The following CATSPERT variants were observed in gnomAD, a reference collection of about 807,000 sequenced individuals.
CATSPERT encodes cation channel sperm-associated targeting subunit tau.
At chr2:201,599,823 T>G in the CATSPERT span, among the ~76,000 whole-genome samples, 1 of 152,198 alleles carries the variant, frequency 6.6e-6, no homozygotes. Flanking sequence ...GTATTAATGT[T>G]TCAAATTTTA....
At chr2:201,566,366 C>T in the CATSPERT span, among the ~76,000 whole-genome samples, 3 of 103,834 alleles carry the variant, frequency 2.9e-5, no homozygotes, top group South Asian at 1.3e-3. Context: ...CTCCCCCCAC[C>T]CCTCACAGGC....
the CATSPERT span, among the ~76,000 whole-genome samples, chr2:201,610,104 G>C: frequency 2.0e-5 from 3 of 152,146 alleles, no homozygotes; most frequent in Non-Finnish European, 4.4e-5. Context: ...TATTGACTTA[G>C]GAAGAAATAG....
At chr2:201,563,429 C>T in the CATSPERT span, among the ~76,000 whole-genome samples, 1 of 63,764 alleles carries the variant, frequency 1.6e-5, no homozygotes, top group Non-Finnish European at 3.4e-5. Flanking sequence ...GACCCCCTCA[C>T]CTCCCTCCCG....
the CATSPERT span, among the ~76,000 whole-genome samples, chr2:201,498,661 C>T: frequency 6.6e-6 from 1 of 152,150 alleles, no homozygotes; most frequent in East Asian, 1.9e-4. Flanking sequence ...AACCATCACA[C>T]TCAGCATACA....
chr2:201,501,804 A>T, the CATSPERT span, among the ~76,000 whole-genome samples: 1 of 152,210 alleles, frequency 6.6e-6, no homozygotes, highest in Non-Finnish European at 1.5e-5. Context: ...TGAAATAAAC[A>T]CATCTCTTAA....
At chr2:201,578,056 T>C in the CATSPERT span, among the ~76,000 whole-genome samples, 1 of 152,110 alleles carries the variant, frequency 6.6e-6, no homozygotes, top group South Asian at 2.1e-4. Context: ...AATACACCCA[T>C]ATGGAATTGT....
the CATSPERT span, among the ~76,000 whole-genome samples, chr2:201,597,633 G>A: frequency 3.3e-5 from 5 of 152,074 alleles, no homozygotes; most frequent in African/African-American, 7.2e-5. Context: ...GGAGCTCACC[G>A]CTTGTGCTTC....
At chr2:201,492,109 C>T in the CATSPERT span, 38 of 1,526,034 alleles carry the variant, frequency 2.5e-5, no homozygotes, top group Non-Finnish European at 3.2e-5. Context: ...TTCTTTCTCT[C>T]GAATCAATTC....
the CATSPERT span, among the ~76,000 whole-genome samples, chr2:201,524,402 C>T: frequency 1.3e-5 from 2 of 152,124 alleles, no homozygotes; most frequent in Non-Finnish European, 2.9e-5. Flanking sequence ...GAAATAAGAT[C>T]ATTTTCAGAC....
chr2:201,497,384 T>C, the CATSPERT span, among the ~76,000 whole-genome samples: 1 of 152,232 alleles, frequency 6.6e-6, no homozygotes, highest in Non-Finnish European at 1.5e-5. Flanking sequence ...CTTAAATTTC[T>C]CCCAAATCTC....
chr2:201,533,295 T>C, the CATSPERT span, among the ~76,000 whole-genome samples: 49 of 152,332 alleles, frequency 3.2e-4, no homozygotes, highest in South Asian at 9.5e-3. Flanking sequence ...AACTTTCAAC[T>C]TCCCTCACAC....
the CATSPERT span, chr2:201,565,962 T>G: frequency 8.3e-7 from 1 of 1,201,864 alleles, no homozygotes; most frequent in East Asian, 2.7e-5. Context: ...ACCCTTCTCT[T>G]TTACACTTTT....
chr2:201,522,990 G>A, the CATSPERT span, among the ~76,000 whole-genome samples: 1 of 152,286 alleles, frequency 6.6e-6, no homozygotes, highest in African/African-American at 2.4e-5. Context: ...AGAAGCCACT[G>A]CCATAGCTCT....
At chr2:201,603,463 A>G in the CATSPERT span, among the ~76,000 whole-genome samples, 2 of 152,238 alleles carry the variant, frequency 1.3e-5, no homozygotes, top group African/African-American at 2.4e-5. Context: ...ATACAGAAGA[A>G]AAATGCGCAG....
At chr2:201,587,181 T>G in the CATSPERT span, among the ~76,000 whole-genome samples, 1 of 152,206 alleles carries the variant, frequency 6.6e-6, no homozygotes, top group Admixed American at 6.5e-5. Context: ...CTACATATGC[T>G]ACAATTCCTA....
the CATSPERT span, chr2:201,553,532 C>T: frequency 2.4e-4 from 36 of 152,114 alleles, no homozygotes; most frequent in African/African-American, 8.0e-4. Flanking sequence ...TTTTCAAAAC[C>T]AAAGTTTTTA....
chr2:201,493,075 C>T, the CATSPERT span: 1 of 1,534,904 alleles, frequency 6.5e-7, no homozygotes, highest in Admixed American at 2.0e-5. Context: ...TTCTGGTTGT[C>T]CTCTTCTTTC....
the CATSPERT span, chr2:201,536,036 G>A: frequency 4.3e-6 from 7 of 1,612,852 alleles, no homozygotes; most frequent in African/African-American, 6.7e-5. Context: ...ATAGAGATGA[G>A]TCTGCTTTTA....
At chr2:201,581,548 GTATATATATATATATATATA>G in the CATSPERT span, among the ~76,000 whole-genome samples, 58 of 9,656 alleles carry the variant, frequency 6.0e-3, 2 homozygotes, top group South Asian at 0.017. Context: ...AAAAATGTGT[GTATATATATATATATATATA>G]TATATATATA....
Sources: gnomAD v4.1 joint callset for allele counts (sites outside exome capture counted in the v4.1 genomes callset) on GRCh38, gnomAD v4.1.1 for gene constraint, MANE v1.5 for transcripts, NCBI Gene and HGNC (gene_info 2026-07-23, HGNC 2026-07-21) for gene names.